ZNF385D: variants seen among roughly 807,000 people sequenced by gnomAD.
The protein encoded by ZNF385D is zinc finger protein 385D, also known as zinc finger protein 659.
A neutral mutation model predicts 35.8 loss-of-function variants in ZNF385D; 15 were observed. The ratio of observed to expected loss-of-function variants is 0.42; its 90% CI spans 0.28 to 0.64. The LOEUF (loss-of-function observed/expected upper bound fraction) is 0.64. ZNF385D is among the 30% of genes least tolerant of loss of function. The pLI is 0.23. For synonymous variants in ZNF385D, 212 were observed against 186.8 expected, an observed-to-expected ratio of 1.13 and a Z score of -1.10; for missense variants, 474 against 494.6, an observed-to-expected ratio of 0.96 and a Z score of 0.39.
intron 4 of ZNF385D, among the ~76,000 whole-genome samples, chr3:21,453,722 G>A (rs1170312306): frequency 2.0e-4 from 31 of 152,118 alleles, no homozygotes; most frequent in Admixed American, 2.0e-3. Flanking sequence ...TAGTGTCAGT[G>A]AGAATGCAGA....
At chr3:21,724,477 CAAAAAAAAAAAAAA>C (rs200803155) in intron 1 of ZNF385D, among the ~76,000 whole-genome samples, 17 of 52,020 alleles carry the variant, frequency 3.3e-4, no homozygotes, top group African/African-American at 1.1e-3. Context: ...AATGGAAAGC[CAAAAAAAAAAAAAA>C]AAAAAAAAAA....
chr3:21,532,067 G>A lies in ZNF385D; in HGVS notation c.277-21044C>T, dbSNP rs182497989. Among the ~76,000 whole-genome samples, 390 of 144,196 alleles carry A rather than the reference G, an allele frequency of 2.7e-3. 3 individuals are homozygous for A. The highest frequency in any genetic ancestry group is 0.01 in the African/African-American group (382 of 37,588). The allele number at this position is 144,196 out of a possible 152,430, so 94.6% of individuals were successfully genotyped here. ...CAAACTGCTCTAAAAATAAAGTCGG[G>A]AGAGAGAAAGAGAGAGAGAGAGAGC... On this transcript the variant is annotated intron_variant, in intron 3 of 7. Transcript: ENST00000281523.
chr3:22,235,154 T>A (rs555905873), intron 2 of ZNF385D, among the ~76,000 whole-genome samples: 1 of 152,180 alleles, frequency 6.6e-6, no homozygotes, highest in Non-Finnish European at 1.5e-5. Flanking sequence ...AGAATTTAAA[T>A]ATTTTTTCTA....
intron 3 of ZNF385D, among the ~76,000 whole-genome samples, chr3:21,816,036 T>C (rs578111373): frequency 2.0e-5 from 3 of 152,108 alleles, no homozygotes; most frequent in South Asian, 4.1e-4. Context: ...CATATGAAAA[T>C]CAATAAATGT....
chr3:22,335,860 T>C (rs943963550), intron 2 of ZNF385D, among the ~76,000 whole-genome samples: 1 of 152,158 alleles, frequency 6.6e-6, no homozygotes, highest in South Asian at 2.1e-4. Context: ...GTGATAGCCT[T>C]CGTATTGTCT....
chr3:22,131,476 T>C (rs1042840574), intron 3 of ZNF385D, among the ~76,000 whole-genome samples: 2 of 152,088 alleles, frequency 1.3e-5, no homozygotes, highest in African/African-American at 4.8e-5. Context: ...GTGAAGAGAA[T>C]ATTTTTAAGA....
intron 3 of ZNF385D, among the ~76,000 whole-genome samples, chr3:21,947,346 GTTAT>G (rs74499183): frequency 6.6e-5 from 10 of 150,808 alleles, no homozygotes; most frequent in South Asian, 2.1e-4. Flanking sequence ...TATTTTACTA[GTTAT>G]TTATTTATTT....
At chr3:21,825,929 A>G (rs981917303) in intron 3 of ZNF385D, among the ~76,000 whole-genome samples, 1 of 152,052 alleles carries the variant, frequency 6.6e-6, no homozygotes, top group Non-Finnish European at 1.5e-5. Flanking sequence ...TTGTTTTAGG[A>G]GCGCAAAACC....
At chr3:21,738,945 A>G (rs1176496124) in intron 1 of ZNF385D, among the ~76,000 whole-genome samples, 2 of 152,216 alleles carry the variant, frequency 1.3e-5, no homozygotes, top group Admixed American at 6.5e-5. Context: ...AGTAACCTCT[A>G]TTGTGGAATA....
Position 22,190,400 on chromosome 3 carries a change from T to G in ZNF385D, c.107-21365A>C, listed in dbSNP as rs535084598. Among the ~76,000 whole-genome samples the G allele has an allele frequency of 1.2e-4, 19 of 152,322 alleles. No individual in the cohort carries two copies. In the South Asian group the frequency reaches 2.3e-3, roughly 18 times the overall value. On this transcript the variant is annotated intron_variant, in intron 2 of 5. Coordinates refer to the ZNF385D transcript ENST00000494108. ...GTTGCAGATAATTCTAGTTTTAAAT[T>G]CATGTATTAGTAACCTTAATTGCAT... is the stretch of plus-strand genomic sequence containing the variant.
At chr3:22,087,228 CTT>C (rs35533592) in intron 3 of ZNF385D, among the ~76,000 whole-genome samples, 1 of 150,940 alleles carries the variant, frequency 6.6e-6, no homozygotes, top group African/African-American at 2.4e-5. Context: ...GCAATAAACT[CTT>C]TTTTTTTCAC....
intron 3 of ZNF385D, among the ~76,000 whole-genome samples, chr3:21,933,148 G>C (rs930367967): frequency 6.6e-6 from 1 of 152,114 alleles, no homozygotes; most frequent in African/African-American, 2.4e-5. Flanking sequence ...TCTCAATTTG[G>C]AGAGCTATAT....
chr3:22,068,171 A>T (rs1197844381), intron 3 of ZNF385D, among the ~76,000 whole-genome samples: 1 of 152,160 alleles, frequency 6.6e-6, no homozygotes, highest in Non-Finnish European at 1.5e-5. Flanking sequence ...GCCTTACTTT[A>T]TCTTCTTTAT....
At chr3:21,579,008 G>A (rs2063574756) in intron 2 of ZNF385D, among the ~76,000 whole-genome samples, 1 of 152,162 alleles carries the variant, frequency 6.6e-6, no homozygotes, top group East Asian at 1.9e-4. Context: ...TAGAGTCTTA[G>A]TTCCACTCTT....
intron 3 of ZNF385D, chr3:22,134,517 G>A (rs1445693358): frequency 1.3e-5 from 2 of 151,916 alleles, no homozygotes; most frequent in Admixed American, 1.3e-4. Flanking sequence ...AAATCTAACT[G>A]ACAATTACAG....
intron 2 of ZNF385D, among the ~76,000 whole-genome samples, chr3:22,322,825 A>G (rs1422599326): frequency 6.6e-6 from 1 of 152,174 alleles, no homozygotes; most frequent in Non-Finnish European, 1.5e-5. Context: ...CTCAGAAATC[A>G]TGTTTTAAAG....
chr3:21,729,880 C>T (rs934996765), intron 1 of ZNF385D, among the ~76,000 whole-genome samples: 12 of 152,166 alleles, frequency 7.9e-5, no homozygotes, highest in African/African-American at 2.7e-4. Context: ...TAAATTCCCT[C>T]CTGCTGGAAT....
chr3:21,582,588 C>A (rs562781665), intron 2 of ZNF385D, among the ~76,000 whole-genome samples: 1 of 152,106 alleles, frequency 6.6e-6, no homozygotes, highest in East Asian at 1.9e-4. Flanking sequence ...TTCAGCAAGA[C>A]GTTCTCAGTT....
In ZNF385D at chr3:21,502,517, C is replaced by A. The variant is rs531337799; in HGVS notation, c.439+8344G>T. 8.5e-5 allele frequency among the ~76,000 whole-genome samples: 13 copies of A among 152,182 alleles called. 1 individual carries two copies. The South Asian group carries it at 2.7e-3, about 32-fold the overall frequency. On this transcript the variant is annotated intron_variant, in intron 4 of 7. Transcript: ENST00000281523. ...TATACATAATATATCTAGGTCAAAA[C>A]TTTTATCAGCCAAATAGAACCAGCC...
Sources: gnomAD v4.1 joint callset for allele counts (sites outside exome capture counted in the v4.1 genomes callset) on GRCh38, gnomAD v4.1.1 for gene constraint, MANE v1.5 for transcripts, NCBI Gene and HGNC (gene_info 2026-07-23, HGNC 2026-07-21) for gene names.